RNF31: variants seen among roughly 807,000 people sequenced by gnomAD.
The protein encoded by RNF31 is ring finger protein 31.
In RNF31, 38 loss-of-function variants were observed where a neutral mutation model predicts 133.6. That is an observed-to-expected ratio of 0.28 (90% CI 0.22 to 0.37). The LOEUF (loss-of-function observed/expected upper bound fraction) is 0.37, where lower values mean the gene tolerates loss of function less well. Among genes scored for constraint, RNF31 ranks in the 10% least tolerant of loss-of-function variants. RNF31 has a pLI of 1.00. For missense variants in RNF31, 1,118 were observed against 1,394.1 expected (o/e 0.80, Z 3.15); for synonymous variants, 582 against 552.3 (o/e 1.05, Z -0.75).
Position 24,155,308 on chromosome 14 carries a change from A to G in RNF31, c.2282A>G (p.Tyr761Cys). 6.2e-7 allele frequency: 1 copy of G among 1,614,112 alleles called. No individual in the cohort carries two copies. Among genetic ancestry groups the G allele is most frequent in the Non-Finnish European group, 8.5e-7 (1 of 1,180,014 alleles). ...ACCGATGACACACAGTTGCTCAGCT[A>G]CTTCTCTACCCTTGACATCCAGGTA... ...DLTDDTQLLS[Y>C]FSTLDIQLRE... The change falls in exon 12 of 21, where the codon TAC becomes TGC. Residue 761 changes from tyrosine to cysteine, a missense_variant. Coordinates refer to ENST00000324103, the MANE Select transcript of RNF31 (RefSeq NM_017999.5). The surrounding 1 kb of genome is among the most constrained non-coding windows in gnomAD (Gnocchi z 4.9).
In RNF31 at chr14:24,148,029, C is replaced by T. The variant is rs2273913; in HGVS notation, c.246C>T (p.Tyr82=). The part of the protein sequence containing the change: ...LSTALNILEK[Y]GRNLLSPQRP... The stretch of plus-strand genomic sequence containing the variant: ...CGGCTCTGAACATCCTGGAGAAATA[C>T]GGCCGCAACCTTCTCAGCCCTCAGC... Residue 82 remains tyrosine, a synonymous_variant, in exon 2 of 21, where the codon TAC becomes TAT. Coordinates refer to ENST00000324103, the MANE Select transcript of RNF31 (RefSeq NM_017999.5). The T allele has an allele frequency of 0.22, 360,655 of 1,614,022 alleles. 44,446 individuals are homozygous for T. Among genetic ancestry groups the T allele is most frequent in the East Asian group, 0.53 (23,970 of 44,860 alleles).
At position 24,158,896 on chromosome 14, in the gene RNF31, G is replaced by A. The variant is rs560437279; in HGVS notation, c.2899+697G>A. Among the ~76,000 whole-genome samples the A allele has an allele frequency of 3.9e-4, 59 of 151,848 alleles. 1 individual carries two copies. The East Asian group carries it at 8.3e-3, about 21-fold the overall frequency. The stretch of plus-strand genomic sequence containing the variant: ...AAAATACAAAAAATTAGCCGGGCGT[G>A]GTGGCGGGCGCCTGTAGTCCCAGCT... On this transcript the variant is annotated intron_variant, in intron 18 of 20. Coordinates refer to ENST00000324103, the MANE Select transcript of RNF31 (RefSeq NM_017999.5).
rs2038426652 is a variant in RNF31, at chr14:24,160,306, G to A, written c.3064G>A (p.Glu1022Lys). The change falls in exon 20 of 21, where the codon GAG (glutamate) becomes AAG (lysine). Residue 1022 changes from glutamate to lysine, a missense_variant. Coordinates refer to ENST00000324103, the MANE Select transcript of RNF31 (RefSeq NM_017999.5). The surrounding 1 kb of genome is among the most constrained non-coding windows in gnomAD (Gnocchi z 4.0). Reference protein sequence around the residue: ...AHSLDPATLYEVEELETATER... With the variant: ...AHSLDPATLYKVEELETATER... The stretch of plus-strand genomic sequence containing the variant: ...CTCGCTGGACCCAGCCACCTTGTAT[G>A]AGGTGGAAGAGCTGGAGACGGCCAC... 1 of 1,614,126 alleles carries A rather than the reference G, an allele frequency of 6.2e-7. No homozygotes were observed. Among genetic ancestry groups the A allele is most frequent in the Non-Finnish European group, 8.5e-7 (1 of 1,179,966 alleles).
At chr14:24,152,559 C>A (rs1264949974) in intron 11 of RNF31, among the ~76,000 whole-genome samples, 1 of 147,742 alleles carries the variant, frequency 6.8e-6, no homozygotes, top group Non-Finnish European at 1.5e-5. Flanking sequence ...GCTGGGATTA[C>A]AGGCACCCGC....
chr14:24,156,208 A>C (rs1193351028), intron 14 of RNF31, among the ~76,000 whole-genome samples: 2 of 152,238 alleles, frequency 1.3e-5, no homozygotes, highest in African/African-American at 4.8e-5. Flanking sequence ...GCCAGCTGCC[A>C]GGTCTGTAGA....
intron 11 of RNF31, among the ~76,000 whole-genome samples, chr14:24,154,202 G>A (rs2038309470): frequency 6.6e-6 from 1 of 151,926 alleles, no homozygotes; most frequent in Non-Finnish European, 1.5e-5. Flanking sequence ...TTGTTGCCCA[G>A]CCTGGAGTGC....
At chr14:24,146,889 C>G (rs574825064), upstream of RNF31, 10 of 500,784 alleles carry the variant, frequency 2.0e-5, no homozygotes, top group African/African-American at 2.0e-4. Context: ...CTAGGGCCAA[C>G]TGGAAGTCCA....
intron 5 of RNF31, 50 bp downstream of exon 5, chr14:24,148,926 A>G: frequency 7.0e-7 from 1 of 1,433,704 alleles, no homozygotes; most frequent in East Asian, 2.3e-5. Flanking sequence ...TATTGATGGA[A>G]ATTTGGGATG....
In RNF31 at chr14:24,157,356, G is replaced by A. The variant is rs970452412; in HGVS notation, c.2560G>A (p.Glu854Lys). The A allele has an allele frequency of 4.3e-6, 7 of 1,612,708 alleles. No homozygotes were observed. Among genetic ancestry groups the A allele is most frequent in the Non-Finnish European group, 5.9e-6 (7 of 1,178,842 alleles). Reference sequence around the variant, plus strand: ...GAACTGGAAACGCATGAACGACCCAGAATACCAGGCCCAGGGCCTAGCAAT... The same window carrying A: ...GAACTGGAAACGCATGAACGACCCAAAATACCAGGCCCAGGGCCTAGCAAT... ...FQNWKRMNDPEYQAQGLAMYL... is the reference protein window; with the variant it reads ...FQNWKRMNDPKYQAQGLAMYL... The change falls in exon 15 of 21, where the codon GAA becomes AAA. Residue 854 changes from glutamate to lysine, a missense_variant. Physicochemically the swap from Glu to Lys is moderately conservative, Grantham distance 56. Coordinates refer to ENST00000324103, the MANE Select transcript of RNF31 (RefSeq NM_017999.5).
chr14:24,147,045 GACTAGCAGCTCTT>G (rs889768151), upstream of RNF31: 1 of 224,814 alleles, frequency 4.4e-6, no homozygotes, highest in African/African-American at 2.3e-5. Context: ...GGTGGAGAAG[GACTAGCAGCTCTT>G]AGAAGAGAGC....
Position 24,150,362 on chromosome 14 carries a change from T to C in RNF31, c.1111T>C (p.Ser371Pro). Residue 371 changes from serine (S) to proline (P), a missense_variant, in exon 7 of 21, where the codon TCC (serine) becomes CCC (proline). Physicochemically the swap from Ser to Pro is moderately conservative, Grantham distance 74. Transcript: ENST00000324103. Reference sequence around the variant, plus strand: ...GAATGAGGCAGCTGCTGTGCTATGTTCCATATGTGAGCGACCTCGGCTGGC... The same window carrying C: ...GAATGAGGCAGCTGCTGTGCTATGTCCCATATGTGAGCGACCTCGGCTGGC... ...FENEAAAVLC[S>P]ICERPRLAQP... 6.2e-7 allele frequency: 1 copy of C among 1,614,080 alleles called. No homozygotes were observed. Among genetic ancestry groups the C allele is most frequent in the Non-Finnish European group, 8.5e-7 (1 of 1,180,028 alleles).
At position 24,148,718 on chromosome 14, in the gene RNF31, A is replaced by G; in HGVS notation, c.555+17A>G. ...GAAGATGATGTAAGGAAGGCAGGAA[A>G]GGGGCTGGTGTACAAAGGAAACAGG... is the stretch of plus-strand genomic sequence containing the variant. On this transcript the variant is annotated intron_variant, in intron 4 of 20. Coordinates refer to ENST00000324103, the MANE Select transcript of RNF31 (RefSeq NM_017999.5). 4 of 1,614,084 alleles carry G rather than the reference A, an allele frequency of 2.5e-6. No homozygotes were observed. Among genetic ancestry groups the G allele is most frequent in the Non-Finnish European group, 3.4e-6 (4 of 1,179,938 alleles).
rs781116071 is a variant in RNF31 at position 24,148,383 on chromosome 14, G to C, written c.465G>C (p.Leu155=). ...CTACAGTCACACTGGAAGTACTGCT[G>C]CTTCGGACAGAGCTCAGCCTGCTAT... is the stretch of plus-strand genomic sequence containing the variant. ...QVATVTLEVL[L]LRTELSLLLQ... is the part of the protein sequence containing the mutation. The change falls in exon 3 of 21, where the codon CTG becomes CTC. Residue 155 remains leucine, a synonymous_variant. Coordinates refer to ENST00000324103, the MANE Select transcript of RNF31 (RefSeq NM_017999.5). 1 of 1,614,188 alleles carries C rather than the reference G, an allele frequency of 6.2e-7. No homozygotes were observed. Among genetic ancestry groups the C allele is most frequent in the Non-Finnish European group, 8.5e-7 (1 of 1,180,010 alleles).
At position 24,150,788 on chromosome 14, in the gene RNF31, G is replaced by A. The variant is rs762748637; in HGVS notation, c.1388G>A (p.Arg463Gln). The A allele has an allele frequency of 6.2e-6, 10 of 1,607,984 alleles. No homozygotes were observed. Among genetic ancestry groups the A allele is most frequent in the East Asian group, 4.5e-5 (2 of 44,782 alleles). The change falls in exon 8 of 21, where the codon CGA (arginine) becomes CAA (glutamine). Residue 463 changes from arginine to glutamine, a missense_variant. By Grantham distance (43) the Arg-to-Gln change is conservative. This residue lies in a region of RNF31 where 747 missense variants were observed against 827.9 expected (regional missense o/e 0.90). Coordinates refer to ENST00000324103, the MANE Select transcript of RNF31 (RefSeq NM_017999.5). The stretch of plus-strand genomic sequence containing the variant: ...GGACCCCCCAAGCCTGGGCCCCCAC[G>A]ACGCCTTAGTGCCCCCCTGCCCAGT... ...EKGPPKPGPP[R>Q]RLSAPLPSSC... is the part of the protein sequence containing the mutation.
chr14:24,146,934 G>A (rs77352948), upstream of RNF31: 6 of 346,620 alleles, frequency 1.7e-5, no homozygotes, highest in Non-Finnish European at 3.2e-5. Context: ...TATGGCAAAG[G>A]GGGTATTCAG....
In RNF31 at chr14:24,150,580, TTCTC is replaced by T; in HGVS notation, c.1198-14_1198-11del. ...TTCAGCCAGCCAGTCAAAGGGATAATTCTCTCTGCCTTCCCAGCAGGGGGATGCT... is the reference window on the plus strand; with the variant it reads ...TTCAGCCAGCCAGTCAAAGGGATAATTCTGCCTTCCCAGCAGGGGGATGCT... On this transcript the variant is annotated splice_polypyrimidine_tract_variant and intron_variant, in intron 7 of 20. Coordinates refer to ENST00000324103, the MANE Select transcript of RNF31 (RefSeq NM_017999.5). The T allele has an allele frequency of 6.2e-7, 1 of 1,601,096 alleles. No homozygotes were observed. Among genetic ancestry groups the T allele is most frequent in the Non-Finnish European group, 8.5e-7 (1 of 1,170,198 alleles).
intron 18 of RNF31, among the ~76,000 whole-genome samples, chr14:24,159,019 C>T (rs868868455): frequency 2.9e-4 from 31 of 108,046 alleles, no homozygotes; most frequent in Middle Eastern, 0.01. Context: ...GGCAACAGAG[C>T]GAGACTTCGT....
chr14:24,150,359 T>C lies in RNF31; in HGVS notation c.1108T>C (p.Cys370Arg). 6.2e-7 allele frequency: 1 copy of C among 1,614,136 alleles called. No individual in the cohort carries two copies. Among genetic ancestry groups the C allele is most frequent in the Non-Finnish European group, 8.5e-7 (1 of 1,180,026 alleles). ...TGAGAATGAGGCAGCTGCTGTGCTA[T>C]GTTCCATATGTGAGCGACCTCGGCT... ...TFENEAAAVLCSICERPRLAQ... is the reference protein window; with the variant it reads ...TFENEAAAVLRSICERPRLAQ... The change falls in exon 7 of 21, where the codon TGT becomes CGT. Residue 370 changes from cysteine to arginine, a missense_variant. Transcript: ENST00000324103.
chr14:24,151,286 C>G lies in RNF31; in HGVS notation c.1644C>G (p.Ala548=). ...LAGQQDPGLG[A]FSCQEARRAW... ...GACAGCAGGACCCTGGGCTGGGTGC[C>G]TTTTCCTGTCAGGAGGCCCGGAGAG... Residue 548 remains alanine (A), a synonymous_variant, in exon 9 of 21, where the codon GCC becomes GCG. Transcript: ENST00000324103. The surrounding 1 kb of genome is among the most constrained non-coding windows in gnomAD (Gnocchi z 5.3). 6.2e-7 allele frequency: 1 copy of G among 1,614,214 alleles called. No individual in the cohort carries two copies. Among genetic ancestry groups the G allele is most frequent in the Non-Finnish European group, 8.5e-7 (1 of 1,180,040 alleles).
Sources: allele counts gnomAD v4.1 joint callset (sites outside exome capture counted in the v4.1 genomes callset), GRCh38; gene constraint gnomAD v4.1.1; regional missense constraint gnomAD v4.1.1; non-coding constraint Gnocchi (gnomAD v3.1); transcripts MANE v1.5; gene names NCBI Gene and HGNC (gene_info 2026-07-23, HGNC 2026-07-21).